RALGPS2: variants seen among roughly 807,000 people sequenced by gnomAD.
RALGPS2 encodes Ral GEF with PH domain and SH3 binding motif 2, also known as ras-specific guanine nucleotide-releasing factor RalGPS2.
In RALGPS2, 43 loss-of-function variants were observed where a neutral mutation model predicts 86.8. The observed-to-expected ratio is 0.50, with a 90% CI of 0.39 to 0.64. RALGPS2 has a LOEUF of 0.64. Ranked by LOEUF, RALGPS2 falls within the 30% of genes least tolerant of loss-of-function variation. The pLI, the probability that RALGPS2 is intolerant of heterozygous loss-of-function variation, is 0.00. For missense variants in RALGPS2, 536 were observed against 694.6 expected (o/e 0.77, Z 2.57); for synonymous variants, 243 against 231.3 (o/e 1.05, Z -0.46).
intron 8 of RALGPS2, among the ~76,000 whole-genome samples, chr1:178,838,391 G>A (rs529442567): frequency 7.9e-5 from 12 of 152,290 alleles, no homozygotes; most frequent in East Asian, 3.9e-4. Context: ...TGCAGCCTCC[G>A]CTGCTGATAT....
rs536863353 is a variant in RALGPS2 at position 178,861,877 on chromosome 1, TGTA to T, written c.608-15618_608-15616del. 1.3e-3 allele frequency among the ~76,000 whole-genome samples: 199 copies of T among 152,280 alleles called. 2 individuals are homozygous for T. Among genetic ancestry groups the T allele is most frequent in the African/African-American group, 4.2e-3 (175 of 41,548 alleles). ...GGGATTGAGGTTTGTTTGTTGTTGT[TGTA>T]GTTGTTGTTGTTGTTTGAGTCTCAC... is the stretch of plus-strand genomic sequence containing the variant. On this transcript the variant is annotated intron_variant, in intron 8 of 19. Coordinates refer to ENST00000367635, the MANE Select transcript of RALGPS2 (RefSeq NM_152663.5).
chr1:178,893,093 T>C (rs1659785177), intron 15 of RALGPS2, among the ~76,000 whole-genome samples: 1 of 152,124 alleles, frequency 6.6e-6, no homozygotes, highest in South Asian at 2.1e-4. Context: ...TTCATTGCTC[T>C]TATAGGAATT....
intron 8 of RALGPS2, among the ~76,000 whole-genome samples, chr1:178,846,196 A>G (rs1251063990): frequency 6.6e-6 from 1 of 152,172 alleles, no homozygotes; most frequent in Admixed American, 6.5e-5. Context: ...CTCTCGTTTG[A>G]TAGAATTTTT....
chr1:178,848,882 G>A (rs557683098), intron 8 of RALGPS2, among the ~76,000 whole-genome samples: 2 of 152,032 alleles, frequency 1.3e-5, no homozygotes, highest in Non-Finnish European at 1.5e-5. Flanking sequence ...CACCTGCTTC[G>A]GCCTCCCAAA....
At chr1:178,770,827 A>ATGTTGT (rs1358741548) in intron 1 of RALGPS2, among the ~76,000 whole-genome samples, 1 of 138,630 alleles carries the variant, frequency 7.2e-6, no homozygotes, top group African/African-American at 2.7e-5. Context: ...AAGTTTTTTT[A>ATGTTGT]TGTTGTTGTT....
intron 4 of RALGPS2, among the ~76,000 whole-genome samples, chr1:178,796,548 G>A (rs556339190): frequency 2.0e-5 from 3 of 152,148 alleles, no homozygotes; most frequent in Admixed American, 6.5e-5. Context: ...AGATTCCATC[G>A]CTTTTTCTTT....
chr1:178,840,861 A>G (rs1656570485), intron 8 of RALGPS2, among the ~76,000 whole-genome samples: 1 of 152,230 alleles, frequency 6.6e-6, no homozygotes, highest in African/African-American at 2.4e-5. Flanking sequence ...ATCAGAGAAT[A>G]CTGTAAACAC....
intron 16 of RALGPS2, among the ~76,000 whole-genome samples, chr1:178,896,708 G>A (rs1454044239): frequency 2.8e-5 from 4 of 144,458 alleles, no homozygotes; most frequent in African/African-American, 7.9e-5. Context: ...GAGAATATGC[G>A]GTGTTTGGTT....
In RALGPS2 at chr1:178,921,131, G is replaced by A. The variant is rs1300424650; in HGVS notation, c.*4772G>A. ...TAGTATGTTCCAGAGTAGGCAAGTA[G>A]TCATTCAAGCCAAATGAAAGAGTTA... On this transcript the variant is annotated 3_prime_UTR_variant, in exon 20 of 20. Transcript: ENST00000367635. The A allele has an allele frequency of 6.6e-6, 1 of 151,952 alleles. No individual in the cohort carries two copies. The highest frequency in any genetic ancestry group is 1.5e-5 in the Non-Finnish European group (1 of 67,914). 9.4% of individuals were successfully genotyped at this position (151,952 alleles called of 1,614,324 possible). A position where few individuals can be genotyped will look rare whatever the true frequency, so the allele number is the denominator to read the frequency against.
intron 1 of RALGPS2, among the ~76,000 whole-genome samples, chr1:178,760,337 A>T (rs1323253279): frequency 6.6e-6 from 1 of 152,126 alleles, no homozygotes; most frequent in Non-Finnish European, 1.5e-5. Flanking sequence ...CTTAGGTTTA[A>T]AGGTACTTGT....
chr1:178,863,005 A>G lies in RALGPS2; in HGVS notation c.608-14493A>G, dbSNP rs560726172. The stretch of plus-strand genomic sequence containing the variant: ...CAGGCACTGTTCTAAGCACTCTTCA[A>G]TTGTTAAATCTTATGCAGTAAATAC... On this transcript the variant is annotated intron_variant, in intron 8 of 19. Transcript: ENST00000367635. Among the ~76,000 whole-genome samples, 14 of 152,290 alleles carry G rather than the reference A, an allele frequency of 9.2e-5. No homozygotes were observed. In the East Asian group the frequency reaches 1.7e-3, roughly 19 times the overall value.
chr1:178,822,683 G>A (rs755547306), intron 7 of RALGPS2, among the ~76,000 whole-genome samples: 3 of 152,022 alleles, frequency 2.0e-5, no homozygotes, highest in Non-Finnish European at 4.4e-5. Context: ...AAACCTTGGT[G>A]TGAAGGGTTT....
chr1:178,849,838 A>G (rs1258834460), intron 8 of RALGPS2: 1 of 152,260 alleles, frequency 6.6e-6, no homozygotes, highest in Non-Finnish European at 1.5e-5. Flanking sequence ...ATTCCCATGC[A>G]TAGTTTGCCT....
At chr1:178,768,941 C>T (rs1006504898) in intron 1 of RALGPS2, among the ~76,000 whole-genome samples, 6 of 152,166 alleles carry the variant, frequency 3.9e-5, no homozygotes, top group African/African-American at 1.2e-4. Context: ...CAGAGATAGC[C>T]ACCCATGCAC....
rs1660397341 is a variant in RALGPS2 at position 178,906,601 on chromosome 1, CTT to C, written c.1631-173_1631-172del. Among the ~76,000 whole-genome samples, 5 of 152,002 alleles carry C rather than the reference CTT, an allele frequency of 3.3e-5. No individual in the cohort carries two copies. In the South Asian group the frequency reaches 1.0e-3, roughly 31 times the overall value. On this transcript the variant is annotated intron_variant, in intron 18 of 19. Transcript: ENST00000367635. ...ATGTAAATGTGTTGCATCGAGAACT[CTT>C]TATTGTATTGGAAATACAATAAAAA...
At chr1:178,880,446 C>T (rs1452750845) in intron 10 of RALGPS2, among the ~76,000 whole-genome samples, 1 of 152,126 alleles carries the variant, frequency 6.6e-6, no homozygotes, top group Non-Finnish European at 1.5e-5. Flanking sequence ...CAAAAAGTTT[C>T]TACATGGTTA....
chr1:178,888,726 T>C (rs1558172370), intron 13 of RALGPS2, among the ~76,000 whole-genome samples: 2 of 152,124 alleles, frequency 1.3e-5, no homozygotes, highest in African/African-American at 2.4e-5. Context: ...GGTACATAAC[T>C]AGTGCCATTG....
At chr1:178,736,178 T>A (rs1411257991) in intron 1 of RALGPS2, among the ~76,000 whole-genome samples, 1 of 151,484 alleles carries the variant, frequency 6.6e-6, no homozygotes. Flanking sequence ...TTTTTTTTTT[T>A]TTTCTGAGAC....
Position 178,788,842 on chromosome 1 carries a change from T to TTTCC in RALGPS2, c.213+3238_213+3239insCTTC, listed in dbSNP as rs1653807268. Reference sequence around the variant, plus strand: ...TCTTTTCTTTTGTTTTCTTTCTTTCTTTCTTTTCTTTTCTTTTCTTTTCTT... The same window carrying TTTCC: ...TCTTTTCTTTTGTTTTCTTTCTTTCTTTCCTTCTTTTCTTTTCTTTTCTTTTCTT... On this transcript the variant is annotated intron_variant, in intron 4 of 19. Transcript: ENST00000367635. Among the ~76,000 whole-genome samples the TTTCC allele has an allele frequency of 2.2e-4, 7 of 32,184 alleles. 1 individual carries two copies. The South Asian group carries it at 3.7e-3, about 17-fold the overall frequency. The allele number at this position is 32,184 out of a possible 152,430, so 21.1% of individuals were successfully genotyped here.
Sources: allele counts gnomAD v4.1 joint callset (sites outside exome capture counted in the v4.1 genomes callset), GRCh38; gene constraint gnomAD v4.1.1; transcripts MANE v1.5; gene names NCBI Gene and HGNC (gene_info 2026-07-23, HGNC 2026-07-21).